GRID2: variants seen among roughly 807,000 people sequenced by gnomAD.
GRID2 encodes the protein glutamate ionotropic receptor delta type subunit 2.
GRID2 carries 33 observed loss-of-function variants against 114.8 expected under a neutral mutation model. The observed-to-expected ratio is 0.29, with a 90% CI of 0.22 to 0.38. GRID2 has a LOEUF of 0.38. Ranked by LOEUF, GRID2 falls within the 10% of genes least tolerant of loss-of-function variation. The pLI is 1.00. For synonymous variants in GRID2, 505 were observed against 449.9 expected (o/e 1.12, Z -1.55); for missense variants, 1,184 against 1,257.7 (o/e 0.94, Z 0.89).
chr4:93,058,184 C>A (rs1416441073), intron 2 of GRID2, among the ~76,000 whole-genome samples: 3 of 150,874 alleles, frequency 2.0e-5, no homozygotes, highest in Non-Finnish European at 4.4e-5. Flanking sequence ...AATAAACTAA[C>A]AACAAAAGCT....
chr4:92,706,857 A>G (rs1354001386), intron 2 of GRID2, among the ~76,000 whole-genome samples: 1 of 152,134 alleles, frequency 6.6e-6, no homozygotes, highest in Admixed American at 6.6e-5. Flanking sequence ...ATGATGCTTT[A>G]TTTTGTCTGA....
In GRID2 at chr4:92,404,766, A is replaced by C. The variant is rs551669480; in HGVS notation, c.88+100022A>C. ...GGAGCTGGAAGCCATTATTTTCAGC[A>C]AACTAACACAGGAACAGAAAACCAA... On this transcript the variant is annotated intron_variant, in intron 1 of 15. Transcript: ENST00000282020. 5.3e-5 allele frequency among the ~76,000 whole-genome samples: 8 copies of C among 152,208 alleles called. No homozygotes were observed. The South Asian group carries it at 1.7e-3, about 32-fold the overall frequency.
intron 8 of GRID2, among the ~76,000 whole-genome samples, chr4:93,259,560 A>G (rs982919508): frequency 4.0e-5 from 6 of 151,876 alleles, no homozygotes; most frequent in Non-Finnish European, 7.4e-5. Flanking sequence ...AGCCAAGTGC[A>G]CAGCTAATTA....
intron 14 of GRID2, among the ~76,000 whole-genome samples, chr4:93,738,391 A>G (rs1217230317): frequency 6.6e-6 from 1 of 152,148 alleles, no homozygotes; most frequent in Non-Finnish European, 1.5e-5. Context: ...CAAATTGGAG[A>G]CAGAGATAGT....
chr4:92,355,129 G>T lies in GRID2; in HGVS notation c.88+50385G>T, dbSNP rs538278418. On this transcript the variant is annotated intron_variant, in intron 1 of 15. Transcript: ENST00000282020. ...TGATGCTGTTTTTTGAAATGTATTT[G>T]TTTTCATGCTTATCATCTGTATTTT... is the stretch of plus-strand genomic sequence containing the variant. Among the ~76,000 whole-genome samples the T allele has an allele frequency of 4.2e-3, 633 of 151,880 alleles. 5 individuals carry two copies. The highest frequency in any genetic ancestry group is 0.014 in the African/African-American group (588 of 41,476).
intron 1 of GRID2, among the ~76,000 whole-genome samples, chr4:92,380,811 A>G (rs557280619): frequency 1.3e-5 from 2 of 152,006 alleles, no homozygotes; most frequent in African/African-American, 2.4e-5. Context: ...TGTAAATTTG[A>G]CTAATTAAAT....
At chr4:93,553,074 A>G (rs1488724732) in intron 13 of GRID2, among the ~76,000 whole-genome samples, 2 of 152,138 alleles carry the variant, frequency 1.3e-5, no homozygotes, top group African/African-American at 4.8e-5. Flanking sequence ...GCTATTGTGA[A>G]TAGTGCCGCA....
chr4:92,871,805 G>C (rs543112481), intron 2 of GRID2, among the ~76,000 whole-genome samples: 1 of 152,050 alleles, frequency 6.6e-6, no homozygotes, highest in African/African-American at 2.4e-5. Context: ...GAAAGACAGG[G>C]GAAAGAATAT....
At chr4:92,543,101 A>G (rs1726064184) in intron 1 of GRID2, among the ~76,000 whole-genome samples, 1 of 152,150 alleles carries the variant, frequency 6.6e-6, no homozygotes, top group African/African-American at 2.4e-5. Context: ...TTATAAAGGA[A>G]GAGAGATGAA....
chr4:93,175,465 A>G (rs957564470), intron 4 of GRID2, among the ~76,000 whole-genome samples: 1 of 151,918 alleles, frequency 6.6e-6, no homozygotes, highest in African/African-American at 2.4e-5. Flanking sequence ...GCCACCGCAC[A>G]CAGCATAATG....
intron 8 of GRID2, among the ~76,000 whole-genome samples, chr4:93,341,116 A>G (rs1161982062): frequency 6.6e-6 from 1 of 152,182 alleles, no homozygotes; most frequent in Non-Finnish European, 1.5e-5. Flanking sequence ...GCACATTTTA[A>G]TTCAGTTTAT....
chr4:93,140,480 G>T (rs1407221562), intron 4 of GRID2, among the ~76,000 whole-genome samples: 2 of 151,912 alleles, frequency 1.3e-5, no homozygotes, highest in Non-Finnish European at 2.9e-5. Context: ...ATTTTTTTAT[G>T]GACAGTTGGC....
At chr4:93,570,175 C>T in intron 13 of GRID2, among the ~76,000 whole-genome samples, 1 of 152,068 alleles carries the variant, frequency 6.6e-6, no homozygotes. Flanking sequence ...TATTACTTGT[C>T]CACAGTCACA....
At chr4:93,186,396 C>T (rs530072137) in intron 4 of GRID2, among the ~76,000 whole-genome samples, 1 of 152,160 alleles carries the variant, frequency 6.6e-6, no homozygotes, top group Non-Finnish European at 1.5e-5. Flanking sequence ...ACATCCTCTC[C>T]AGCATCTGTT....
intron 2 of GRID2, among the ~76,000 whole-genome samples, chr4:92,949,494 G>C (rs1751876882): frequency 1.3e-5 from 2 of 151,884 alleles, no homozygotes; most frequent in Non-Finnish European, 2.9e-5. Context: ...CTGAATTTTA[G>C]TTTATGATTG....
In GRID2 at chr4:93,090,044, A is replaced by C. The variant is rs181237468; in HGVS notation, c.529+4765A>C. 2.0e-3 allele frequency among the ~76,000 whole-genome samples: 307 copies of C among 152,280 alleles called. 2 individuals are homozygous for C. The highest frequency in any genetic ancestry group is 7.3e-3 in the African/African-American group (302 of 41,584). ...GTGTAGTAACACAGGAGACCTATGG[A>C]GAATTGTCTCCCAATAATGTAATAG... On this transcript the variant is annotated intron_variant, in intron 3 of 15. Transcript: ENST00000282020.
chr4:93,203,907 G>A (rs761368823), intron 4 of GRID2: 11 of 152,208 alleles, frequency 7.2e-5, no homozygotes, highest in Non-Finnish European at 1.2e-4. Context: ...TGAAAGTGGC[G>A]TACATCACTC....
chr4:93,677,176 C>T (rs1468920234), intron 14 of GRID2, among the ~76,000 whole-genome samples: 1 of 152,172 alleles, frequency 6.6e-6, no homozygotes, highest in Non-Finnish European at 1.5e-5. Flanking sequence ...TCGCTGATTG[C>T]TAACACAGCA....
At chr4:93,549,112 A>AG (rs2149539509) in intron 13 of GRID2, among the ~76,000 whole-genome samples, 1 of 152,214 alleles carries the variant, frequency 6.6e-6, no homozygotes, top group African/African-American at 2.4e-5. Context: ...ATTTTAAAAA[A>AG]ATTTTTTTCT....
Sources: gnomAD v4.1 joint callset for allele counts (sites outside exome capture counted in the v4.1 genomes callset) on GRCh38, gnomAD v4.1.1 for gene constraint, MANE v1.5 for transcripts, NCBI Gene and HGNC (gene_info 2026-07-23, HGNC 2026-07-21) for gene names.